AGBL1: variants seen among roughly 807,000 people sequenced by gnomAD.
AGBL1 encodes AGBL carboxypeptidase 1, also known as cytosolic carboxypeptidase 4.
In AGBL1, 130 loss-of-function variants were observed where a neutral mutation model predicts 118.9. The observed-to-expected ratio is 1.09, with a 90% CI of 0.95 to 1.26. AGBL1 has a LOEUF of 1.26. AGBL1 is among the 50% of genes most tolerant of loss of function. The pLI is 0.00. For missense variants in AGBL1, 1,584 were observed against 1,298.1 expected (o/e 1.22, Z -3.38); for synonymous variants, 555 against 478.9 (o/e 1.16, Z -2.08).
At chr15:86,378,615 T>A (rs2081070483) in intron 17 of AGBL1, among the ~76,000 whole-genome samples, 1 of 152,224 alleles carries the variant, frequency 6.6e-6, no homozygotes, top group Non-Finnish European at 1.5e-5. Flanking sequence ...GAGCATTTCC[T>A]ATGTATTTGG....
intron 22 of AGBL1, among the ~76,000 whole-genome samples, chr15:86,733,044 C>G (rs975594278): frequency 6.8e-6 from 1 of 147,430 alleles, no homozygotes; most frequent in African/African-American, 2.5e-5. Context: ...CATGTATATC[C>G]CGTATATATC....
At chr15:86,199,516 T>A (rs1366701268) in intron 5 of AGBL1, among the ~76,000 whole-genome samples, 1 of 152,232 alleles carries the variant, frequency 6.6e-6, no homozygotes, top group Non-Finnish European at 1.5e-5. Flanking sequence ...ACCCATGTGC[T>A]GGATGGTCCC....
intron 19 of AGBL1, among the ~76,000 whole-genome samples, chr15:86,527,572 C>T (rs2083283593): frequency 6.6e-6 from 1 of 152,168 alleles, no homozygotes. Flanking sequence ...GCCACTCACT[C>T]AGCACTCAGG....
Position 86,219,248 on chromosome 15 carries a change from C to T in AGBL1, c.489-5666C>T, listed in dbSNP as rs73447613. 3.3e-3 allele frequency among the ~76,000 whole-genome samples: 510 copies of T among 152,276 alleles called. 3 individuals carry two copies. The highest frequency in any genetic ancestry group is 0.012 in the African/African-American group (491 of 41,568). On this transcript the variant is annotated intron_variant, in intron 5 of 22. Coordinates refer to ENST00000614907, the MANE Select transcript of AGBL1 (RefSeq NM_001386094.1). ...ACTTCCTCACTTGGTACCCATTCCA[C>T]CTTCCATGATCCAAGAATGACATTC...
rs746188047 is a variant in AGBL1 at position 86,674,360 on chromosome 15, T to A, written c.3082T>A (p.Cys1028Ser). ...CATCCTGGAGCTCAAATCTGCCAGC[T>A]GCAGCCATCAGCTCCTGGCTCAAGC... Reference protein sequence around the residue: ...LLILELKSASCSHQLLAQAAT... With the variant: ...LLILELKSASSSHQLLAQAAT... The change falls in exon 22 of 23, where the codon TGC (cysteine) becomes AGC (serine). Residue 1028 changes from cysteine (C) to serine (S), a missense_variant. By Grantham distance (112) the Cys-to-Ser change is moderately radical. Coordinates refer to ENST00000614907, the MANE Select transcript of AGBL1 (RefSeq NM_001386094.1). 2 of 1,612,992 alleles carry A rather than the reference T, an allele frequency of 1.2e-6. No individual in the cohort carries two copies. The highest frequency in any genetic ancestry group is 3.3e-5 in the Admixed American group (2 of 59,906).
intron 21 of AGBL1, among the ~76,000 whole-genome samples, chr15:86,633,808 TATAATGTATGTATATA>T: frequency 1.9e-4 from 1 of 5,214 alleles, no homozygotes; most frequent in Non-Finnish European, 4.9e-4. Flanking sequence ...TGTATATATA[TATAATGTATGTATATA>T]TATATAATGT....
At chr15:86,888,730 A>G (rs1413950452) in intron 22 of AGBL1, among the ~76,000 whole-genome samples, 2 of 148,260 alleles carry the variant, frequency 1.3e-5, no homozygotes, top group Non-Finnish European at 2.9e-5. Context: ...GCTTTAAAAC[A>G]TAGCATTCAT....
At chr15:86,159,738 A>T (rs1318736146) in intron 5 of AGBL1, among the ~76,000 whole-genome samples, 3 of 152,054 alleles carry the variant, frequency 2.0e-5, no homozygotes, top group African/African-American at 7.2e-5. Flanking sequence ...AATTCAGCCA[A>T]TTTCCAAGAT....
At chr15:86,972,190 C>T (rs1343097932) in intron 23 of AGBL1, among the ~76,000 whole-genome samples, 1 of 152,012 alleles carries the variant, frequency 6.6e-6, no homozygotes, top group Non-Finnish European at 1.5e-5. Context: ...TGTCAGAAAG[C>T]CATGCCAAAT....
At chr15:86,996,165 AC>A (rs1364093642) in intron 24 of AGBL1, among the ~76,000 whole-genome samples, 1 of 152,078 alleles carries the variant, frequency 6.6e-6, no homozygotes, top group Admixed American at 6.6e-5. Context: ...CATATACCCA[AC>A]TTTTTACTGA....
chr15:86,254,850 C>T (rs1039357802), intron 7 of AGBL1, among the ~76,000 whole-genome samples: 21 of 152,188 alleles, frequency 1.4e-4, no homozygotes, highest in African/African-American at 4.8e-4. Context: ...GAATTTCTGT[C>T]ACCTTGAAAC....
chr15:86,987,943 T>A, intron 23 of AGBL1: 2 of 1,590,590 alleles, frequency 1.3e-6, no homozygotes, highest in Non-Finnish European at 1.7e-6. Flanking sequence ...ACACTATGGT[T>A]TATTTTCACC....
At chr15:86,237,105 A>G (rs534455361) in intron 6 of AGBL1, among the ~76,000 whole-genome samples, 1 of 152,286 alleles carries the variant, frequency 6.6e-6, no homozygotes, top group South Asian at 2.1e-4. Context: ...TTCCTGCTAG[A>G]CAAGAAACGT....
At chr15:86,933,349 C>A (rs1004716867) in intron 23 of AGBL1, among the ~76,000 whole-genome samples, 1 of 152,076 alleles carries the variant, frequency 6.6e-6, no homozygotes, top group Non-Finnish European at 1.5e-5. Flanking sequence ...GGGATGAAAC[C>A]AAAAGGCCAC....
intron 1 of AGBL1, among the ~76,000 whole-genome samples, chr15:86,127,012 C>T (rs555357388): frequency 6.6e-6 from 1 of 152,232 alleles, no homozygotes; most frequent in Admixed American, 6.5e-5. Context: ...CTGAGATGTG[C>T]CTCATGAGAT....
intron 22 of AGBL1, among the ~76,000 whole-genome samples, chr15:86,699,311 TA>T (rs2086316453): frequency 6.6e-6 from 1 of 152,044 alleles, no homozygotes; most frequent in African/African-American, 2.4e-5. Context: ...GTGCATTTCC[TA>T]AAAATATATA....
intron 24 of AGBL1, among the ~76,000 whole-genome samples, chr15:87,008,631 G>T (rs1165590392): frequency 1.3e-5 from 2 of 152,280 alleles, no homozygotes; most frequent in East Asian, 3.9e-4. Flanking sequence ...AGTTTGAAGG[G>T]CTCAGAAGAG....
chr15:86,365,665 C>A (rs541239765), intron 17 of AGBL1, among the ~76,000 whole-genome samples: 2 of 148,318 alleles, frequency 1.3e-5, no homozygotes, highest in Non-Finnish European at 3.0e-5. Context: ...CTTTTTCTCA[C>A]TCAAACCATT....
At chr15:86,805,936 C>T (rs1234450591) in intron 22 of AGBL1, among the ~76,000 whole-genome samples, 8 of 152,136 alleles carry the variant, frequency 5.3e-5, no homozygotes, top group Admixed American at 6.5e-5. Flanking sequence ...AGCTCTGTAA[C>T]AGCACAAACT....
Sources: allele counts gnomAD v4.1 joint callset (sites outside exome capture counted in the v4.1 genomes callset), GRCh38; gene constraint gnomAD v4.1.1; transcripts MANE v1.5; gene names NCBI Gene and HGNC (gene_info 2026-07-23, HGNC 2026-07-21).